The following DHX8 variants were observed in gnomAD, a reference collection of about 807,000 sequenced individuals.
DHX8 encodes ATP-dependent RNA helicase DHX8.
A neutral mutation model predicts 140.7 loss-of-function variants in DHX8; 67 were observed. The observed-to-expected ratio is 0.48, with a 90% CI of 0.39 to 0.58. DHX8 has a LOEUF of 0.58. DHX8 is among the 20% of genes least tolerant of loss of function. The pLI is 0.00. For synonymous variants in DHX8, 533 were observed against 553.2 expected (o/e 0.96, Z 0.51); for missense variants, 887 against 1,550.7 (o/e 0.57, Z 7.19).
chr17:43,531,876 A>G (rs1284670722), intron 2 of DHX8, among the ~76,000 whole-genome samples: 1 of 151,978 alleles, frequency 6.6e-6, no homozygotes, highest in African/African-American at 2.4e-5. Context: ...GTATTTCCCA[A>G]CTCTGCACAC....
At chr17:43,540,664 C>A (rs933873213) in intron 3 of DHX8, among the ~76,000 whole-genome samples, 2 of 152,102 alleles carry the variant, frequency 1.3e-5, no homozygotes, top group African/African-American at 4.8e-5. Flanking sequence ...ACTTCAGCCA[C>A]CACAACCTTA....
intron 3 of DHX8, among the ~76,000 whole-genome samples, chr17:43,537,377 A>G (rs1423955476): frequency 6.6e-6 from 1 of 151,628 alleles, no homozygotes; most frequent in Non-Finnish European, 1.5e-5. Flanking sequence ...AAAGAAAAAT[A>G]AAATTAAATA....
intron 3 of DHX8, among the ~76,000 whole-genome samples, chr17:43,542,430 A>G (rs1971571218): frequency 6.6e-6 from 1 of 152,132 alleles, no homozygotes; most frequent in South Asian, 2.1e-4. Flanking sequence ...GCTCCTGACA[A>G]GCCTGGAAAG....
At chr17:43,497,406 A>G (rs1968927902) in intron 9 of DHX8, among the ~76,000 whole-genome samples, 1 of 152,040 alleles carries the variant, frequency 6.6e-6, no homozygotes, top group African/African-American at 2.4e-5. Flanking sequence ...AAATTGCTAT[A>G]TTGTCTCTTA....
At chr17:43,528,788 C>A (rs1397241930), downstream of DHX8, 4 of 1,535,078 alleles carry the variant, frequency 2.6e-6, no homozygotes, top group Non-Finnish European at 2.7e-6. Context: ...AGCCGCCCAG[C>A]CTTTGTATGG....
Position 43,492,846 on chromosome 17 carries a change from G to A in DHX8, c.669G>A (p.Arg223=). Residue 223 remains arginine, a synonymous_variant, in exon 6 of 23, where the codon CGG becomes CGA. Coordinates refer to ENST00000262415, the MANE Select transcript of DHX8 (RefSeq NM_004941.3). ...GGAATAAAGTGAAGTCTAGATATCGGTCCAGGAGCAGGAGTCAGAGTCCCC... is the reference window on the plus strand; with the variant it reads ...GGAATAAAGTGAAGTCTAGATATCGATCCAGGAGCAGGAGTCAGAGTCCCC... ...RERNKVKSRY[R]SRSRSQSPPK... 1 of 1,614,184 alleles carries A rather than the reference G, an allele frequency of 6.2e-7. No individual in the cohort carries two copies. Among genetic ancestry groups the A allele is most frequent in the Non-Finnish European group, 8.5e-7 (1 of 1,180,034 alleles).
chr17:43,530,042 T>A, downstream of DHX8: 1 of 1,606,118 alleles, frequency 6.2e-7, no homozygotes, highest in East Asian at 2.2e-5. Flanking sequence ...AGGGAGACCC[T>A]CCCCCATGGC....
chr17:43,520,964 CTTTTT>C (rs10672223), intron 20 of DHX8, 85 bp downstream of exon 20: 633 of 398,650 alleles, frequency 1.6e-3, no homozygotes, highest in East Asian at 3.1e-3. Context: ...TTGATGTGGA[CTTTTT>C]TTTTTTTTTT....
At chr17:43,485,731 C>A (rs1223443518) in intron 1 of DHX8, among the ~76,000 whole-genome samples, 1 of 152,030 alleles carries the variant, frequency 6.6e-6, no homozygotes, top group East Asian at 1.9e-4. Context: ...GACATTAACC[C>A]CCAGTGTTTA....
At position 43,521,525 on chromosome 17, in the gene DHX8, G is replaced by T. The variant is rs989304808; in HGVS notation, c.3223G>T (p.Ala1075Ser). 1.3e-5 allele frequency: 21 copies of T among 1,613,452 alleles called. No individual in the cohort carries two copies. The highest frequency in any genetic ancestry group is 1.7e-5 in the Non-Finnish European group (20 of 1,179,780). Residue 1075 changes from alanine (A) to serine (S), a missense_variant, in exon 21 of 23, where the codon GCC becomes TCC. This residue lies in a region of DHX8 where 101 missense variants were observed against 168.2 expected (regional missense o/e 0.60). Transcript: ENST00000262415. Reference protein sequence around the residue: ...NFIQARSLRRAQDIRKQMLGI... With the variant: ...NFIQARSLRRSQDIRKQMLGI... The stretch of plus-strand genomic sequence containing the variant: ...TATCCAGGCTCGTTCCCTGCGCCGG[G>T]CCCAGGACATTCGCAAGCAGATGTT...
chr17:43,541,111 AC>A (rs1324387882), intron 3 of DHX8, among the ~76,000 whole-genome samples: 3 of 151,704 alleles, frequency 2.0e-5, no homozygotes, highest in Non-Finnish European at 4.4e-5. Context: ...CACAGACCAC[AC>A]CCCAAAAGAG....
intron 8 of DHX8, 40 bp downstream of exon 8, chr17:43,493,926 C>T: frequency 6.2e-7 from 1 of 1,605,694 alleles, no homozygotes; most frequent in Non-Finnish European, 8.5e-7. Context: ...AGTCATTCAG[C>T]ATGTAGCATG....
At chr17:43,541,545 A>C (rs1971523346) in intron 3 of DHX8, among the ~76,000 whole-genome samples, 1 of 152,136 alleles carries the variant, frequency 6.6e-6, no homozygotes, top group Admixed American at 6.6e-5. Flanking sequence ...GGTTAGTAAA[A>C]AAAGAGGAGG....
chr17:43,497,771 T>C (rs537665043), intron 9 of DHX8, among the ~76,000 whole-genome samples: 2 of 152,160 alleles, frequency 1.3e-5, no homozygotes, highest in South Asian at 4.1e-4. Context: ...AAAAAATTAC[T>C]GGGTAGTAAG....
chr17:43,504,541 T>C, intron 11 of DHX8, 103 bp from the exon 12 acceptor site: 3 of 1,157,622 alleles, frequency 2.6e-6, no homozygotes, highest in Non-Finnish European at 3.7e-6. Flanking sequence ...GGTCGCTGAA[T>C]TGAGATGCTG....
chr17:43,513,550 C>T, intron 17 of DHX8, 48 bp downstream of exon 17: 1 of 1,579,492 alleles, frequency 6.3e-7, no homozygotes, highest in Non-Finnish European at 8.6e-7. Context: ...TGATTAGGGC[C>T]TTTCTGAAAC....
chr17:43,492,045 A>G (rs1968549398), intron 4 of DHX8, 138 bp from the exon 5 acceptor site: 3 of 644,968 alleles, frequency 4.7e-6, no homozygotes, highest in South Asian at 1.8e-5. Context: ...TTCTGCATCT[A>G]TCCTGAATCA....
chr17:43,524,140 C>T lies in DHX8; in HGVS notation c.*293C>T, dbSNP rs1379967289. 7.2e-6 allele frequency: 9 copies of T among 1,247,838 alleles called. No individual in the cohort carries two copies. In the South Asian group the frequency reaches 1.2e-4, roughly 16 times the overall value. 77.3% of individuals were successfully genotyped at this position (1,247,838 alleles called of 1,614,324 possible). On this transcript the variant is annotated 3_prime_UTR_variant, in exon 23 of 23. Coordinates refer to ENST00000262415, the MANE Select transcript of DHX8 (RefSeq NM_004941.3). ...CAAGAAAGGGACAATTTGTGCAGCT[C>T]CAGGATGGGAAGGTGGAGTGGGTGA...
chr17:43,487,339 T>C (rs1968226374), intron 1 of DHX8, among the ~76,000 whole-genome samples: 1 of 152,262 alleles, frequency 6.6e-6, no homozygotes, highest in South Asian at 2.1e-4. Context: ...AATTGTATGG[T>C]AGTACTACTT....
Sources: gnomAD v4.1 joint callset for allele counts (sites outside exome capture counted in the v4.1 genomes callset) on GRCh38, gnomAD v4.1.1 for gene constraint, gnomAD v4.1.1 regional missense constraint, MANE v1.5 for transcripts, NCBI Gene and HGNC (gene_info 2026-07-23, HGNC 2026-07-21) for gene names.